PAPSS1: variants seen among roughly 807,000 people sequenced by gnomAD.
PAPSS1 encodes the protein 3'-phosphoadenosine 5'-phosphosulfate synthase 1, also known as bifunctional 3'-phosphoadenosine 5'-phosphosulfate synthase 1.
Under a neutral mutation model 72.0 loss-of-function variants are expected in PAPSS1, and 50 were observed. That is an observed-to-expected ratio of 0.69 (90% CI 0.55 to 0.88). The LOEUF (loss-of-function observed/expected upper bound fraction) is 0.88, where lower values mean the gene tolerates loss of function less well. PAPSS1 is among the 40% of genes least tolerant of loss of function. PAPSS1 has a pLI of 0.00. For synonymous variants in PAPSS1, 261 were observed against 263.6 expected (o/e 0.99, Z 0.09); for missense variants, 657 against 782.2 (o/e 0.84, Z 1.91).
chr4:107,690,909 G>C (rs968284873), intron 3 of PAPSS1, among the ~76,000 whole-genome samples: 1 of 151,960 alleles, frequency 6.6e-6, no homozygotes, highest in Non-Finnish European at 1.5e-5. Flanking sequence ...CCTTTTCCGA[G>C]AGCTGCAAGA....
chr4:107,647,825 G>C (rs1323577646), intron 9 of PAPSS1, among the ~76,000 whole-genome samples: 1 of 152,110 alleles, frequency 6.6e-6, no homozygotes, highest in Non-Finnish European at 1.5e-5. Context: ...CTTCTTGACA[G>C]ACTCACTGGA....
intron 1 of PAPSS1, chr4:107,718,455 G>A (rs1389095071): frequency 6.6e-6 from 1 of 152,168 alleles, no homozygotes; most frequent in East Asian, 1.9e-4. Flanking sequence ...GTTCCCCTCT[G>A]ACTCAGAAAT....
intron 11 of PAPSS1, among the ~76,000 whole-genome samples, chr4:107,627,987 A>T (rs1726140305): frequency 6.6e-6 from 1 of 152,196 alleles, no homozygotes; most frequent in Admixed American, 6.5e-5. Context: ...AAAATGTTCT[A>T]GTTTGTTGCA....
intron 2 of PAPSS1, among the ~76,000 whole-genome samples, chr4:107,696,165 G>C (rs966306379): frequency 6.6e-6 from 1 of 152,172 alleles, no homozygotes; most frequent in African/African-American, 2.4e-5. Context: ...ACAGTGTGGT[G>C]CTTCCTCAAG....
At chr4:107,636,296 T>C (rs1041152081) in intron 10 of PAPSS1, among the ~76,000 whole-genome samples, 2 of 152,130 alleles carry the variant, frequency 1.3e-5, no homozygotes, top group African/African-American at 2.4e-5. Flanking sequence ...TAAAAAAAGA[T>C]CAATATTTAA....
chr4:107,646,840 C>T (rs1323646879), intron 9 of PAPSS1, among the ~76,000 whole-genome samples: 1 of 152,202 alleles, frequency 6.6e-6, no homozygotes, highest in Non-Finnish European at 1.5e-5. Flanking sequence ...AAGTGCTCCA[C>T]AGGCACCTCA....
chr4:107,637,321 C>A (rs1216262899), intron 10 of PAPSS1, among the ~76,000 whole-genome samples: 1 of 152,178 alleles, frequency 6.6e-6, no homozygotes, highest in African/African-American at 2.4e-5. Flanking sequence ...TATCTCCCCA[C>A]TTCCAAACCT....
Position 107,614,392 on chromosome 4 carries a change from A to C in PAPSS1, c.1737-5T>G, listed in dbSNP as rs1387517196. 1 of 1,597,086 alleles carries C rather than the reference A, an allele frequency of 6.3e-7. No individual in the cohort carries two copies. Among genetic ancestry groups the C allele is most frequent in the African/African-American group, 1.4e-5 (1 of 73,692 alleles). On this transcript the variant is annotated splice_region_variant and splice_polypyrimidine_tract_variant and intron_variant, in intron 11 of 11. Transcript: ENST00000265174. ...ATAAATTCAAAGTCTTCATGGCTAA[A>C]GGAGAGGAAAAAAAGAAAATTATTT...
chr4:107,621,600 T>A (rs1034675971), intron 11 of PAPSS1, among the ~76,000 whole-genome samples: 9 of 138,750 alleles, frequency 6.5e-5, no homozygotes, highest in Middle Eastern at 3.6e-3. Flanking sequence ...GGAAGACAGG[T>A]TTTTTATCTT....
At chr4:107,715,705 A>G (rs190020500) in intron 1 of PAPSS1, among the ~76,000 whole-genome samples, 102 of 152,362 alleles carry the variant, frequency 6.7e-4, no homozygotes, top group Admixed American at 1.6e-3. Context: ...CTGTCTTTTT[A>G]CCACTGCATC....
rs573704292 is a variant in PAPSS1, at chr4:107,677,189, T to C, written c.669+4826A>G. On this transcript the variant is annotated intron_variant, in intron 5 of 11. Coordinates refer to ENST00000265174, the MANE Select transcript of PAPSS1 (RefSeq NM_005443.5). Reference sequence around the variant, plus strand: ...CAAAAGCCAAAATTGACAAATGGGATCTAATTAAACTCAAGAGCTTCTGCA... The same window carrying C: ...CAAAAGCCAAAATTGACAAATGGGACCTAATTAAACTCAAGAGCTTCTGCA... 2.4e-3 allele frequency among the ~76,000 whole-genome samples: 361 copies of C among 152,148 alleles called. 5 individuals are homozygous for C. Among genetic ancestry groups the C allele is most frequent in the Admixed American group, 0.019 (296 of 15,288 alleles).
At chr4:107,694,875 CAA>C (rs1419361718) in intron 2 of PAPSS1, among the ~76,000 whole-genome samples, 1 of 151,728 alleles carries the variant, frequency 6.6e-6, no homozygotes, top group Non-Finnish European at 1.5e-5. Context: ...AGTTCTAAAA[CAA>C]GAGATAAAAT....
intron 2 of PAPSS1, 45 bp from the exon 3 acceptor site, chr4:107,694,051 G>C: frequency 1.5e-6 from 2 of 1,341,836 alleles, no homozygotes; most frequent in Non-Finnish European, 2.1e-6. Flanking sequence ...AAAGTTAGAA[G>C]GATAACTATG....
intron 1 of PAPSS1, among the ~76,000 whole-genome samples, chr4:107,709,047 ATCT>A (rs2125940552): frequency 6.6e-6 from 1 of 152,290 alleles, no homozygotes; most frequent in East Asian, 1.9e-4. Context: ...CTGTCCATAA[ATCT>A]TCTACCATGC....
Position 107,635,636 on chromosome 4 carries a change from G to GA in PAPSS1, c.1507-3777dup, listed in dbSNP as rs1446928404. 1.1e-4 allele frequency among the ~76,000 whole-genome samples: 16 copies of GA among 151,752 alleles called. No homozygotes were observed. In the East Asian group the frequency reaches 2.9e-3, roughly 28 times the overall value. On this transcript the variant is annotated intron_variant, in intron 10 of 11. Transcript: ENST00000265174. Reference sequence around the variant, plus strand: ...AGGCAATTATAGGAAACAAAAAGGAGAAAAAATAGGATGTGACCAGTGAGT... The same window carrying GA: ...AGGCAATTATAGGAAACAAAAAGGAGAAAAAAATAGGATGTGACCAGTGAGT...
At chr4:107,665,886 C>G (rs944815559) in intron 5 of PAPSS1, among the ~76,000 whole-genome samples, 1 of 152,054 alleles carries the variant, frequency 6.6e-6, no homozygotes, top group Admixed American at 6.5e-5. Context: ...TGGTAGCTCT[C>G]GCCTCTCATT....
chr4:107,631,382 G>A (rs767468533), intron 11 of PAPSS1, among the ~76,000 whole-genome samples: 1 of 152,104 alleles, frequency 6.6e-6, no homozygotes, highest in Non-Finnish European at 1.5e-5. Context: ...AGACACAGTA[G>A]GCAGAGAAAT....
chr4:107,680,390 G>A (rs1325258681), intron 5 of PAPSS1, among the ~76,000 whole-genome samples: 1 of 142,442 alleles, frequency 7.0e-6, no homozygotes, highest in Admixed American at 7.1e-5. Context: ...AATGAAGCAA[G>A]TTAAAAAAAA....
chr4:107,675,632 T>A (rs1032910655), intron 5 of PAPSS1, among the ~76,000 whole-genome samples: 1 of 152,312 alleles, frequency 6.6e-6, no homozygotes, highest in East Asian at 1.9e-4. Context: ...ACATTCCTTC[T>A]GAAACTGTTC....
Sources: allele counts gnomAD v4.1 joint callset (sites outside exome capture counted in the v4.1 genomes callset), GRCh38; gene constraint gnomAD v4.1.1; transcripts MANE v1.5; gene names NCBI Gene and HGNC (gene_info 2026-07-23, HGNC 2026-07-21).